CDH13: variants seen among roughly 807,000 people sequenced by gnomAD.
CDH13 encodes the protein cadherin-13.
In CDH13, 24 loss-of-function variants were observed where a neutral mutation model predicts 63.8. The observed-to-expected ratio is 0.38, with a 90% CI of 0.27 to 0.53. CDH13 has a LOEUF of 0.53. Among genes scored for constraint, CDH13 ranks in the 20% least tolerant of loss-of-function variants. CDH13 has a pLI of 0.85. For missense variants in CDH13, 1,049 were observed against 903.1 expected (o/e 1.16, Z -2.07); for synonymous variants, 503 against 355.3 (o/e 1.42, Z -4.67).
chr16:82,735,552 A>T (rs997593270), intron 1 of CDH13, among the ~76,000 whole-genome samples: 2 of 152,250 alleles, frequency 1.3e-5, no homozygotes, highest in Non-Finnish European at 2.9e-5. Flanking sequence ...ATTTGTTTCC[A>T]ATCTGACAGA....
chr16:82,636,918 CAT>C (rs1222642025), intron 1 of CDH13, among the ~76,000 whole-genome samples: 1 of 152,202 alleles, frequency 6.6e-6, no homozygotes, highest in Non-Finnish European at 1.5e-5. Flanking sequence ...TCCAGCACAC[CAT>C]GGACCTGGAT....
intron 2 of CDH13, among the ~76,000 whole-genome samples, chr16:82,955,026 C>T (rs1023017947): frequency 3.4e-4 from 52 of 152,272 alleles, no homozygotes; most frequent in African/African-American, 1.2e-3. Flanking sequence ...TGTTTATCCA[C>T]TTATTGCTCA....
At chr16:82,960,156 A>C (rs1256560116) in intron 2 of CDH13, among the ~76,000 whole-genome samples, 7 of 152,160 alleles carry the variant, frequency 4.6e-5, no homozygotes, top group Non-Finnish European at 1.5e-5. Context: ...GAGCCTCTGC[A>C]GTGGTTCAGG....
chr16:83,498,600 G>A (rs1053186492), intron 7 of CDH13, among the ~76,000 whole-genome samples: 1 of 152,200 alleles, frequency 6.6e-6, no homozygotes, highest in Admixed American at 6.5e-5. Flanking sequence ...AATGAGGTCA[G>A]TAAAGTGCCC....
chr16:82,869,535 G>A (rs1171922497), intron 2 of CDH13, among the ~76,000 whole-genome samples: 3 of 152,090 alleles, frequency 2.0e-5, no homozygotes, highest in East Asian at 1.9e-4. Context: ...AAGCCATCTT[G>A]AGCAAAAAGA....
intron 5 of CDH13, among the ~76,000 whole-genome samples, chr16:83,261,019 G>T (rs375143806): frequency 5.3e-5 from 8 of 152,196 alleles, no homozygotes; most frequent in African/African-American, 4.8e-5. Flanking sequence ...AGCATCCCAT[G>T]TCCTTTGGCC....
At chr16:82,809,523 TCAAATC>T (rs2037335509) in intron 1 of CDH13, among the ~76,000 whole-genome samples, 1 of 152,138 alleles carries the variant, frequency 6.6e-6, no homozygotes, top group Non-Finnish European at 1.5e-5. Flanking sequence ...GTGATGACGC[TCAAATC>T]TATCAGAATA....
intron 3 of CDH13, among the ~76,000 whole-genome samples, chr16:83,095,829 T>C (rs1394396197): frequency 1.3e-5 from 2 of 152,212 alleles, no homozygotes; most frequent in African/African-American, 4.8e-5. Context: ...GAATGTGTCT[T>C]TTCTTAAAGG....
At chr16:82,933,781 C>A (rs1479394178) in intron 2 of CDH13, among the ~76,000 whole-genome samples, 1 of 152,186 alleles carries the variant, frequency 6.6e-6, no homozygotes, top group African/African-American at 2.4e-5. Flanking sequence ...AGGATCCGGG[C>A]AAGTCTGAAA....
chr16:83,025,913 G>A (rs6565104), intron 2 of CDH13, among the ~76,000 whole-genome samples: 4 of 152,038 alleles, frequency 2.6e-5, no homozygotes, highest in African/African-American at 4.8e-5. Flanking sequence ...CACACAGACC[G>A]CAACTCAGCA....
intron 6 of CDH13, among the ~76,000 whole-genome samples, chr16:83,362,051 G>A (rs141132903): frequency 0.018 from 2,779 of 152,076 alleles, 34 homozygotes; most frequent in African/African-American, 0.038. Flanking sequence ...TCACTTTAAG[G>A]AATCTCCATC....
chr16:82,686,664 G>C (rs1016695909), intron 1 of CDH13, among the ~76,000 whole-genome samples: 12 of 152,206 alleles, frequency 7.9e-5, no homozygotes, highest in Non-Finnish European at 1.5e-4. Flanking sequence ...GATTCCCGGA[G>C]ATAACGTGCA....
intron 1 of CDH13, among the ~76,000 whole-genome samples, chr16:82,680,290 C>A (rs1914404298): frequency 1.3e-5 from 2 of 152,244 alleles, no homozygotes; most frequent in Admixed American, 1.3e-4. Context: ...GTTCTAAGTA[C>A]TTTCTGCATG....
intron 1 of CDH13, among the ~76,000 whole-genome samples, chr16:82,698,825 C>T (rs1282335328): frequency 6.6e-6 from 1 of 152,202 alleles, no homozygotes; most frequent in African/African-American, 2.4e-5. Flanking sequence ...ACACACATTG[C>T]CTTTAAAAGG....
chr16:82,678,126 C>T (rs576453035), intron 1 of CDH13, among the ~76,000 whole-genome samples: 17 of 152,184 alleles, frequency 1.1e-4, no homozygotes, highest in Middle Eastern at 3.4e-3. Context: ...GTATCTAGTA[C>T]GGGAAACTTT....
intron 4 of CDH13, among the ~76,000 whole-genome samples, chr16:83,140,102 A>G (rs560117218): frequency 2.0e-5 from 3 of 152,344 alleles, no homozygotes; most frequent in Admixed American, 2.0e-4. Context: ...ACATTCATAA[A>G]GACACAGCAT....
chr16:82,930,219 C>A (rs1168966325), intron 2 of CDH13, among the ~76,000 whole-genome samples: 1 of 152,016 alleles, frequency 6.6e-6, no homozygotes, highest in South Asian at 2.1e-4. Context: ...TTAAGAGATT[C>A]ACCTGCCTCT....
rs184917972 is a variant in CDH13, at chr16:83,505,213, T to C, written c.960+18558T>C. On this transcript the variant is annotated intron_variant, in intron 7 of 13. Coordinates refer to ENST00000567109, the MANE Select transcript of CDH13 (RefSeq NM_001257.5). The stretch of plus-strand genomic sequence containing the variant: ...CAGATCCCCAGGCTTCCCCTCCCAT[T>C]GTACCCAGAAGAAACAAGAATTGTT... Among the ~76,000 whole-genome samples, 148 of 152,314 alleles carry C rather than the reference T, an allele frequency of 9.7e-4. No individual in the cohort carries two copies. In the East Asian group the frequency reaches 0.025, roughly 25 times the overall value.
chr16:82,745,408 A>G (rs1202018452), intron 1 of CDH13, among the ~76,000 whole-genome samples: 1 of 152,198 alleles, frequency 6.6e-6, no homozygotes, highest in South Asian at 2.1e-4. Context: ...CAGAAAGCTG[A>G]GAAAGAAAAT....
Sources: gnomAD v4.1 joint callset for allele counts (sites outside exome capture counted in the v4.1 genomes callset) on GRCh38, gnomAD v4.1.1 for gene constraint, MANE v1.5 for transcripts, NCBI Gene and HGNC (gene_info 2026-07-23, HGNC 2026-07-21) for gene names.